RNF150: variants seen among roughly 807,000 people sequenced by gnomAD.
RNF150 encodes ring finger protein 150.
Under a neutral mutation model 39.3 loss-of-function variants are expected in RNF150, and 24 were observed. That is an observed-to-expected ratio of 0.61 (90% confidence interval 0.44 to 0.86). The LOEUF (loss-of-function observed/expected upper bound fraction) is 0.86. Among genes scored for constraint, RNF150 ranks in the 40% least tolerant of loss-of-function variants. The pLI, the probability that RNF150 is intolerant of heterozygous loss-of-function variation, is 0.00. For synonymous variants in RNF150, 255 were observed against 227.3 expected (o/e 1.12, Z -1.10); for missense variants, 502 against 587.8 (o/e 0.85, Z 1.51).
intron 1 of RNF150, among the ~76,000 whole-genome samples, chr4:141,059,659 T>A (rs1578680573): frequency 6.6e-6 from 1 of 152,122 alleles, no homozygotes. Flanking sequence ...GCTTTAGCTG[T>A]AAAAAGTAAC....
At position 140,938,269 on chromosome 4, in the gene RNF150, T is replaced by C. The variant is rs1043725295; in HGVS notation, c.890+9385A>G. 5.3e-5 allele frequency among the ~76,000 whole-genome samples: 8 copies of C among 152,280 alleles called. No individual in the cohort carries two copies. The East Asian group carries it at 1.4e-3, about 26-fold the overall frequency. On this transcript the variant is annotated intron_variant, in intron 4 of 6. Coordinates refer to ENST00000515673, the MANE Select transcript of RNF150 (RefSeq NM_020724.2). The stretch of plus-strand genomic sequence containing the variant: ...TTGATGGTAACGCTAAGTTTTCAAA[T>C]ATTAAAATGATGTTCACTTTTTTTT...
chr4:140,982,170 A>T (rs950821656), intron 1 of RNF150, among the ~76,000 whole-genome samples: 1 of 152,152 alleles, frequency 6.6e-6, no homozygotes, highest in Non-Finnish European at 1.5e-5. Flanking sequence ...ACTTCTTCCA[A>T]TTTACTGATG....
chr4:141,118,988 T>C (rs996933593), intron 1 of RNF150, among the ~76,000 whole-genome samples: 2 of 152,148 alleles, frequency 1.3e-5, no homozygotes, highest in African/African-American at 4.8e-5. Flanking sequence ...CTCAAACTCC[T>C]GACCTCAGGT....
chr4:141,176,913 C>T (rs1017358129), intron 1 of RNF150, among the ~76,000 whole-genome samples: 1 of 152,054 alleles, frequency 6.6e-6, no homozygotes, highest in Admixed American at 6.6e-5. Flanking sequence ...GATTACAATG[C>T]TCACTTTAAA....
intron 1 of RNF150, among the ~76,000 whole-genome samples, chr4:141,059,005 T>C (rs778661450): frequency 1.3e-5 from 2 of 152,186 alleles, no homozygotes; most frequent in Non-Finnish European, 2.9e-5. Flanking sequence ...AGGAAGATCA[T>C]TAAACATTTG....
At chr4:141,138,931 G>A (rs1004335377) in intron 1 of RNF150, among the ~76,000 whole-genome samples, 3 of 152,180 alleles carry the variant, frequency 2.0e-5, no homozygotes, top group African/African-American at 7.2e-5. Context: ...TTTAGGCTGG[G>A]TGTGGTGACT....
chr4:141,123,826 T>G (rs916682266), intron 1 of RNF150, among the ~76,000 whole-genome samples: 9 of 152,170 alleles, frequency 5.9e-5, no homozygotes, highest in African/African-American at 2.2e-4. Flanking sequence ...CTTGAGATAG[T>G]TTTCTCAGAA....
intron 1 of RNF150, among the ~76,000 whole-genome samples, chr4:141,149,560 A>G (rs1236442217): frequency 6.6e-6 from 1 of 152,198 alleles, no homozygotes; most frequent in African/African-American, 2.4e-5. Flanking sequence ...TGCAAATGCC[A>G]TTATTTTGTT....
chr4:141,018,035 A>G (rs2110774216), intron 1 of RNF150, among the ~76,000 whole-genome samples: 1 of 152,312 alleles, frequency 6.6e-6, no homozygotes, highest in Non-Finnish European at 1.5e-5. Flanking sequence ...TATAACAGTT[A>G]GGGGCTTAAA....
rs1387956694 is a variant in RNF150, at chr4:140,868,219, T to A, written c.*42A>T. ...GTCTTGGAGCACTCTTCCCTTCCTTTCCCTTGGGTCCTACTATCTCTTTGC... is the reference window on the plus strand; with the variant it reads ...GTCTTGGAGCACTCTTCCCTTCCTTACCCTTGGGTCCTACTATCTCTTTGC... On this transcript the variant is annotated 3_prime_UTR_variant, in exon 7 of 7. Transcript: ENST00000515673. The A allele has an allele frequency of 1.7e-6, 2 of 1,159,338 alleles. No individual in the cohort carries two copies. Among genetic ancestry groups the A allele is most frequent in the Non-Finnish European group, 2.6e-6 (2 of 766,198 alleles). The allele number at this position is 1,159,338 out of a possible 1,614,324, so 71.8% of individuals were successfully genotyped here. A position where few individuals can be genotyped will look rare whatever the true frequency, so the allele number is the denominator to read the frequency against.
In RNF150 at chr4:140,864,839, G is replaced by A. The variant is rs1288088759; in HGVS notation, c.*3422C>T. The A allele has an allele frequency of 6.6e-6, 1 of 152,148 alleles. No individual in the cohort carries two copies. The highest frequency in any genetic ancestry group is 1.9e-4 in the East Asian group (1 of 5,190). The allele number at this position is 152,148 out of a possible 1,614,324, so 9.4% of individuals were successfully genotyped here. On this transcript the variant is annotated 3_prime_UTR_variant, in exon 7 of 7. Transcript: ENST00000515673. ...TTTTAAGTAACAACTGGTCAGAGGAGTAACAACAAATGGTCATGGACATCA... is the reference window on the plus strand; with the variant it reads ...TTTTAAGTAACAACTGGTCAGAGGAATAACAACAAATGGTCATGGACATCA...
intron 1 of RNF150, among the ~76,000 whole-genome samples, chr4:141,115,632 A>T (rs1739527374): frequency 6.6e-6 from 1 of 152,216 alleles, no homozygotes; most frequent in Non-Finnish European, 1.5e-5. Context: ...GAATTAAAAT[A>T]AAAAACTACT....
chr4:141,120,628 T>A (rs989077539), intron 1 of RNF150, among the ~76,000 whole-genome samples: 3 of 152,156 alleles, frequency 2.0e-5, no homozygotes, highest in Admixed American at 6.5e-5. Context: ...AATTATTTTT[T>A]AAAAATCTGG....
At chr4:140,948,561 T>A (rs1182745592) in intron 3 of RNF150, among the ~76,000 whole-genome samples, 1 of 152,168 alleles carries the variant, frequency 6.6e-6, no homozygotes, top group African/African-American at 2.4e-5. Context: ...CATTCTACAG[T>A]GAAGGAGACT....
chr4:141,192,390 G>A (rs550642519), intron 1 of RNF150, among the ~76,000 whole-genome samples: 1 of 152,294 alleles, frequency 6.6e-6, no homozygotes, highest in South Asian at 2.1e-4. Flanking sequence ...GAATAAAATG[G>A]AACAATCTCT....
intron 1 of RNF150, among the ~76,000 whole-genome samples, chr4:141,172,464 T>C (rs982463259): frequency 1.3e-5 from 2 of 152,160 alleles, no homozygotes; most frequent in African/African-American, 4.8e-5. Context: ...ATCTACTAAG[T>C]TACCCCCCTT....
chr4:141,133,930 G>A (rs1184473485), upstream of RNF150, among the ~76,000 whole-genome samples: 4 of 152,050 alleles, frequency 2.6e-5, no homozygotes, highest in Non-Finnish European at 5.9e-5. Flanking sequence ...TCTGTGGTAG[G>A]GCCCCAAAAA....
chr4:141,143,020 C>T (rs777037626), intron 1 of RNF150, among the ~76,000 whole-genome samples: 2 of 152,100 alleles, frequency 1.3e-5, no homozygotes, highest in African/African-American at 2.4e-5. Context: ...CAGGCGCACA[C>T]AGCCATGCAC....
intron 1 of RNF150, among the ~76,000 whole-genome samples, chr4:140,999,398 C>A (rs1734493196): frequency 6.6e-6 from 1 of 152,176 alleles, no homozygotes; most frequent in African/African-American, 2.4e-5. Context: ...AGAAGCCTAG[C>A]TGAAGCACTG....
Sources: allele counts gnomAD v4.1 joint callset (sites outside exome capture counted in the v4.1 genomes callset), GRCh38; gene constraint gnomAD v4.1.1; transcripts MANE v1.5; gene names NCBI Gene and HGNC (gene_info 2026-07-23, HGNC 2026-07-21).